KLF12: variants seen among roughly 807,000 people sequenced by gnomAD.
KLF12 encodes Krueppel-like factor 12.
A neutral mutation model predicts 37.8 loss-of-function variants in KLF12; 9 were observed. The observed-to-expected ratio is 0.24, with a 90% CI of 0.14 to 0.42. The LOEUF is 0.42. KLF12 is among the 10% of genes least tolerant of loss of function. The pLI is 1.00. For synonymous variants in KLF12, 208 were observed against 202.1 expected (o/e 1.03, Z -0.25); for missense variants, 411 against 516.0 (o/e 0.80, Z 1.97).
chr13:74,036,905 C>G (rs1403653078), intron 1 of KLF12, among the ~76,000 whole-genome samples: 1 of 152,096 alleles, frequency 6.6e-6, no homozygotes, highest in Non-Finnish European at 1.5e-5. Context: ...GTCACATAAG[C>G]GTAAAAGATT....
At chr13:74,063,086 C>A (rs1242260026) in intron 1 of KLF12, among the ~76,000 whole-genome samples, 1 of 152,192 alleles carries the variant, frequency 6.6e-6, no homozygotes, top group African/African-American at 2.4e-5. Flanking sequence ...CTGTGCCGCA[C>A]CTCCAGCTGC....
At chr13:74,203,701 A>G in the KLF12 span, among the ~76,000 whole-genome samples, 1 of 152,142 alleles carries the variant, frequency 6.6e-6, no homozygotes, top group Non-Finnish European at 1.5e-5. Flanking sequence ...TCCTTCCCCT[A>G]GCCACAGGGC....
In KLF12 at chr13:73,688,647, ATTGT is replaced by A. The variant is rs937737574; in HGVS notation, c.*6839_*6842del. 2.6e-5 allele frequency: 4 copies of A among 152,148 alleles called. No individual in the cohort carries two copies. The highest frequency in any genetic ancestry group is 9.7e-5 in the African/African-American group (4 of 41,430). 9.4% of individuals were successfully genotyped at this position (152,148 alleles called of 1,614,324 possible). A position where few individuals can be genotyped will look rare whatever the true frequency, so the allele number is the denominator to read the frequency against. Reference sequence around the variant, plus strand: ...AAGTTCGGGGAGACAACTGGTTGCTATTGTTTGTTTATAATGATCCTTCATGCAT... The same window carrying A: ...AAGTTCGGGGAGACAACTGGTTGCTATTGTTTATAATGATCCTTCATGCAT... On this transcript the variant is annotated 3_prime_UTR_variant, in exon 8 of 8. Transcript: ENST00000377669.
chr13:73,927,633 G>C (rs1195114169), intron 3 of KLF12, among the ~76,000 whole-genome samples: 2 of 152,008 alleles, frequency 1.3e-5, no homozygotes, highest in African/African-American at 4.8e-5. Context: ...CTGGAGTGCA[G>C]TGGCGCGATC....
At chr13:74,032,177 G>A (rs574042414) in intron 1 of KLF12, among the ~76,000 whole-genome samples, 81 of 152,280 alleles carry the variant, frequency 5.3e-4, no homozygotes, top group African/African-American at 1.9e-3. Flanking sequence ...CCTACGATAT[G>A]TAGTAGGAGC....
intron 1 of KLF12, among the ~76,000 whole-genome samples, chr13:74,036,150 C>G (rs776869060): frequency 2.0e-5 from 3 of 152,182 alleles, no homozygotes; most frequent in Non-Finnish European, 4.4e-5. Context: ...CTCTCTAAGT[C>G]TTCACAGATT....
At chr13:74,183,698 G>A in the KLF12 span, among the ~76,000 whole-genome samples, 3 of 152,210 alleles carry the variant, frequency 2.0e-5, no homozygotes, top group African/African-American at 7.2e-5. Context: ...CACTTTGGGA[G>A]GCCAAGGTGG....
the KLF12 span, among the ~76,000 whole-genome samples, chr13:74,246,538 T>C: frequency 6.6e-6 from 1 of 152,076 alleles, no homozygotes; most frequent in African/African-American, 2.4e-5. Flanking sequence ...TCTGAGAAAA[T>C]AGAAAGTGGC....
At chr13:74,159,012 A>C in the KLF12 span, among the ~76,000 whole-genome samples, 1 of 152,222 alleles carries the variant, frequency 6.6e-6, no homozygotes, top group African/African-American at 2.4e-5. Flanking sequence ...AGGGACTGGA[A>C]AATCATCTAC....
At chr13:73,815,404 C>A (rs1180264734) in intron 4 of KLF12, among the ~76,000 whole-genome samples, 2 of 152,170 alleles carry the variant, frequency 1.3e-5, no homozygotes, top group African/African-American at 4.8e-5. Flanking sequence ...ATGGGCAGCT[C>A]ACAGAATGGA....
chr13:74,217,325 T>A, the KLF12 span, among the ~76,000 whole-genome samples: 4 of 150,112 alleles, frequency 2.7e-5, no homozygotes, highest in Non-Finnish European at 4.4e-5. Context: ...TTTTTTTTTT[T>A]ATAAAGAAAT....
chr13:73,891,769 G>A (rs1176675903), intron 3 of KLF12, among the ~76,000 whole-genome samples: 1 of 152,078 alleles, frequency 6.6e-6, no homozygotes, highest in African/African-American at 2.4e-5. Flanking sequence ...ACAGAAATTG[G>A]TAAACTACAG....
At chr13:74,051,329 C>G (rs1872907250) in intron 1 of KLF12, among the ~76,000 whole-genome samples, 1 of 115,518 alleles carries the variant, frequency 8.7e-6, no homozygotes, top group African/African-American at 3.3e-5. Flanking sequence ...TGTGTGTATA[C>G]ATACACACAC....
chr13:73,813,375 G>A, intron 4 of KLF12, 88 bp from the exon 5 acceptor site: 1 of 1,399,510 alleles, frequency 7.1e-7, no homozygotes, highest in African/African-American at 1.4e-5. Flanking sequence ...TGGAACTTCT[G>A]TGCATATCAT....
At chr13:74,289,696 A>G in the KLF12 span, among the ~76,000 whole-genome samples, 2 of 152,232 alleles carry the variant, frequency 1.3e-5, no homozygotes, top group African/African-American at 2.4e-5. Context: ...CTACAGCAGG[A>G]TTCAAAATTT....
chr13:73,817,282 C>T (rs1883275378), intron 4 of KLF12, among the ~76,000 whole-genome samples: 2 of 143,828 alleles, frequency 1.4e-5, no homozygotes, highest in South Asian at 2.2e-4. Context: ...CACACCACTG[C>T]ACTCCAGGCC....
intron 6 of KLF12, among the ~76,000 whole-genome samples, chr13:73,736,713 A>C (rs1324388527): frequency 6.6e-6 from 1 of 152,212 alleles, no homozygotes; most frequent in Non-Finnish European, 1.5e-5. Flanking sequence ...GGTTGCTTCC[A>C]TGCAGGGTTA....
At chr13:74,171,121 C>T in the KLF12 span, among the ~76,000 whole-genome samples, 1 of 152,166 alleles carries the variant, frequency 6.6e-6, no homozygotes, top group Admixed American at 6.5e-5. Context: ...AGCTCGTAAT[C>T]GACAAAGCTG....
intron 6 of KLF12, among the ~76,000 whole-genome samples, chr13:73,739,663 T>G (rs1361123471): frequency 7.2e-6 from 1 of 138,126 alleles, no homozygotes; most frequent in Non-Finnish European, 1.6e-5. Flanking sequence ...AGAGACTCTA[T>G]GCAGCACTAG....
Sources: allele counts gnomAD v4.1 joint callset (sites outside exome capture counted in the v4.1 genomes callset), GRCh38; gene constraint gnomAD v4.1.1; transcripts MANE v1.5; gene names NCBI Gene and HGNC (gene_info 2026-07-23, HGNC 2026-07-21).